Variants in STARD13 observed in about 807,000 individuals in gnomAD.
STARD13 encodes the protein stAR-related lipid transfer protein 13.
STARD13 carries 62 observed loss-of-function variants against 106.4 expected under a neutral mutation model. The ratio of observed to expected loss-of-function variants is 0.58; its 90% CI spans 0.48 to 0.72. The LOEUF (loss-of-function observed/expected upper bound fraction) is 0.72, where lower values mean the gene tolerates loss of function less well. Among genes scored for constraint, STARD13 ranks in the 30% least tolerant of loss-of-function variants. The pLI is 0.00. For synonymous variants in STARD13, 565 were observed against 553.0 expected, an observed-to-expected ratio of 1.02 and a Z score of -0.31; for missense variants, 1,387 against 1,424.0, an observed-to-expected ratio of 0.97 and a Z score of 0.42.
the STARD13 span, among the ~76,000 whole-genome samples, chr13:33,431,558 AT>A: frequency 1.3e-5 from 2 of 152,148 alleles, no homozygotes; most frequent in Non-Finnish European, 2.9e-5. Flanking sequence ...CATGGGAAAA[AT>A]TTTTTTGAAT....
At chr13:33,153,081 T>C (rs1881497130) in intron 3 of STARD13, among the ~76,000 whole-genome samples, 2 of 152,154 alleles carry the variant, frequency 1.3e-5, no homozygotes, top group South Asian at 2.1e-4. Flanking sequence ...AAGTGAAGAA[T>C]TTATCACCAC....
intron 1 of STARD13, among the ~76,000 whole-genome samples, chr13:33,250,626 TTC>T (rs1206701467): frequency 1.3e-5 from 2 of 152,234 alleles, no homozygotes; most frequent in Non-Finnish European, 1.5e-5. Context: ...GTGGTCCCAG[TTC>T]TGTATTTATA....
At chr13:33,476,262 C>A in the STARD13 span, among the ~76,000 whole-genome samples, 1 of 152,078 alleles carries the variant, frequency 6.6e-6, no homozygotes, top group Non-Finnish European at 1.5e-5. Context: ...TTTTAGTGAT[C>A]TTTGATCCCA....
chr13:33,476,780 G>T, the STARD13 span, among the ~76,000 whole-genome samples: 1 of 152,154 alleles, frequency 6.6e-6, no homozygotes, highest in Non-Finnish European at 1.5e-5. Context: ...CAAGTATTTT[G>T]AGCCTTTTAA....
At chr13:33,535,882 G>A in the STARD13 span, among the ~76,000 whole-genome samples, 3 of 152,144 alleles carry the variant, frequency 2.0e-5, no homozygotes, top group Non-Finnish European at 4.4e-5. Context: ...TATACAAGGC[G>A]AGATGGCAGT....
the STARD13 span, among the ~76,000 whole-genome samples, chr13:33,436,420 A>G: frequency 6.6e-6 from 1 of 152,242 alleles, no homozygotes; most frequent in Non-Finnish European, 1.5e-5. Context: ...CATACAATGA[A>G]AAGAGGAATT....
chr13:33,459,154 T>C, the STARD13 span, among the ~76,000 whole-genome samples: 1 of 152,168 alleles, frequency 6.6e-6, no homozygotes, highest in African/African-American at 2.4e-5. Flanking sequence ...TAAGTTATGA[T>C]GTACTATATC....
rs112780582 is a variant in STARD13, at chr13:33,226,601, AT to A, written c.169+58868del. On this transcript the variant is annotated intron_variant, in intron 1 of 13. Coordinates refer to ENST00000336934, the MANE Select transcript of STARD13 (RefSeq NM_178006.4). ...AGTCATGCATCACCACACCTCGCTA[AT>A]TTTTTTATTTTTAGTAGAGACAGGG... 2.6e-3 allele frequency among the ~76,000 whole-genome samples: 397 copies of A among 151,936 alleles called. 1 individual carries two copies. The highest frequency in any genetic ancestry group is 9.2e-3 in the African/African-American group (380 of 41,422).
the STARD13 span, among the ~76,000 whole-genome samples, chr13:33,420,056 C>A: frequency 6.6e-6 from 1 of 152,126 alleles, no homozygotes; most frequent in Non-Finnish European, 1.5e-5. Context: ...AATTTACAGG[C>A]AAAATAACCA....
the STARD13 span, among the ~76,000 whole-genome samples, chr13:33,496,956 T>TTCA: frequency 6.6e-6 from 1 of 152,162 alleles, no homozygotes; most frequent in Non-Finnish European, 1.5e-5. Context: ...TTTTCTCAAC[T>TTCA]GAACCTCAAG....
At chr13:33,654,147 C>A in the STARD13 span, among the ~76,000 whole-genome samples, 1 of 152,144 alleles carries the variant, frequency 6.6e-6, no homozygotes, top group Non-Finnish European at 1.5e-5. Flanking sequence ...TACCACATGA[C>A]CCAGCAATTC....
At chr13:33,380,542 T>C in the STARD13 span, among the ~76,000 whole-genome samples, 1 of 142,528 alleles carries the variant, frequency 7.0e-6, no homozygotes, top group Non-Finnish European at 1.5e-5. Flanking sequence ...TGTGCTTTCT[T>C]AGGTAAGACT....
At chr13:33,632,959 T>C in the STARD13 span, among the ~76,000 whole-genome samples, 1 of 152,118 alleles carries the variant, frequency 6.6e-6, no homozygotes, top group African/African-American at 2.4e-5. Flanking sequence ...TGCTAGAAAA[T>C]GTCAGTGCTG....
chr13:33,488,344 A>G, the STARD13 span, among the ~76,000 whole-genome samples: 1 of 152,076 alleles, frequency 6.6e-6, no homozygotes, highest in Admixed American at 6.6e-5. Context: ...TTATTTCTTA[A>G]TTAATTGCAC....
the STARD13 span, among the ~76,000 whole-genome samples, chr13:33,541,952 T>G: frequency 3.9e-5 from 6 of 152,216 alleles, no homozygotes; most frequent in African/African-American, 1.4e-4. Context: ...AATTTTTCTT[T>G]GTAACACATC....
chr13:33,139,759 T>G (rs1001325757), intron 4 of STARD13, among the ~76,000 whole-genome samples: 1 of 151,980 alleles, frequency 6.6e-6, no homozygotes, highest in Non-Finnish European at 1.5e-5. Flanking sequence ...TTTTTTTTTC[T>G]ATTTTTTCAC....
chr13:33,562,237 A>G, the STARD13 span, among the ~76,000 whole-genome samples: 1 of 147,170 alleles, frequency 6.8e-6, no homozygotes, highest in African/African-American at 2.5e-5. Context: ...CTTTAAAAAA[A>G]CTAGAAAAGT....
chr13:33,113,534 G>T (rs1368771094), intron 8 of STARD13: 1 of 515,388 alleles, frequency 1.9e-6, no homozygotes. Flanking sequence ...GGGGAAGCCT[G>T]TACATCTTCC....
At chr13:33,280,266 C>G (rs769753664) in intron 1 of STARD13, 8 of 152,202 alleles carry the variant, frequency 5.3e-5, no homozygotes, top group Non-Finnish European at 8.8e-5. Context: ...AGGGGGAATA[C>G]ATCACTCATG....
Sources: gnomAD v4.1 joint callset for allele counts (sites outside exome capture counted in the v4.1 genomes callset) on GRCh38, gnomAD v4.1.1 for gene constraint, MANE v1.5 for transcripts, NCBI Gene and HGNC (gene_info 2026-07-23, HGNC 2026-07-21) for gene names.